UBR3: variants seen among roughly 807,000 people sequenced by gnomAD.
The protein encoded by UBR3 is E3 ubiquitin-protein ligase UBR3.
In UBR3, 85 loss-of-function variants were observed where a neutral mutation model predicts 243.2. That is an observed-to-expected ratio of 0.35 (90% confidence interval 0.29 to 0.42). The LOEUF (loss-of-function observed/expected upper bound fraction) is 0.42, where lower values mean the gene tolerates loss of function less well. UBR3 is among the 10% of genes least tolerant of loss of function. UBR3 has a pLI of 1.00. For missense variants in UBR3, 1,686 were observed against 2,300.8 expected (o/e 0.73, Z 5.47); for synonymous variants, 748 against 799.8 (o/e 0.94, Z 1.09).
rs1363786839 is a variant in UBR3 at position 169,896,754 on chromosome 2, C to T, written c.1465+19C>T. On this transcript the variant is annotated intron_variant, in intron 8 of 38. Transcript: ENST00000272793. ...CTACAAGGTAACTCAGAATTATATT[C>T]ACTAGTTCTATTATTATCAGTATTA... is the stretch of plus-strand genomic sequence containing the variant. The T allele has an allele frequency of 6.7e-7, 1 of 1,498,450 alleles. No homozygotes were observed. 92.8% of individuals were successfully genotyped at this position (1,498,450 alleles called of 1,614,324 possible).
rs114148532 is a variant in UBR3 at position 169,915,904 on chromosome 2, A to G, written c.1866+1758A>G. On this transcript the variant is annotated intron_variant, in intron 11 of 38. Transcript: ENST00000272793. Reference sequence around the variant, plus strand: ...GCTCAGATTATTTCAGATTTGGCCAATGAGAGCCCCTTTAAGCTTAGTTTC... The same window carrying G: ...GCTCAGATTATTTCAGATTTGGCCAGTGAGAGCCCCTTTAAGCTTAGTTTC... 2.8e-3 allele frequency among the ~76,000 whole-genome samples: 428 copies of G among 152,270 alleles called. 4 individuals carry two copies. Among genetic ancestry groups the G allele is most frequent in the African/African-American group, 0.01 (417 of 41,548 alleles).
chr2:169,931,491 A>G (rs887535210), intron 18 of UBR3, among the ~76,000 whole-genome samples: 6 of 152,172 alleles, frequency 3.9e-5, no homozygotes, highest in African/African-American at 1.4e-4. Flanking sequence ...AACTAGGGAC[A>G]GTGGTTAACA....
intron 32 of UBR3, among the ~76,000 whole-genome samples, chr2:170,050,722 G>A (rs1363812526): frequency 6.6e-6 from 1 of 152,130 alleles, no homozygotes; most frequent in African/African-American, 2.4e-5. Flanking sequence ...TTAGCAGCCT[G>A]TTGACCTAAT....
intron 26 of UBR3, among the ~76,000 whole-genome samples, chr2:169,997,491 C>T (rs1454384419): frequency 6.6e-6 from 1 of 151,988 alleles, no homozygotes; most frequent in Non-Finnish European, 1.5e-5. Flanking sequence ...GAGGTCTGGG[C>T]CCCCAGAAGG....
intron 36 of UBR3, among the ~76,000 whole-genome samples, chr2:170,075,243 T>A (rs1037032415): frequency 6.6e-6 from 1 of 152,272 alleles, no homozygotes; most frequent in Admixed American, 6.5e-5. Context: ...TCTTGCATAT[T>A]ACATATACAA....
chr2:169,857,069 T>TTTTTG (rs1559027008), intron 1 of UBR3, among the ~76,000 whole-genome samples: 1 of 18,308 alleles, frequency 5.5e-5, no homozygotes, highest in East Asian at 1.4e-3. Context: ...ATTATGTTTT[T>TTTTTG]TTTTTTTTTT....
At chr2:169,868,287 G>A (rs182276211) in intron 1 of UBR3, among the ~76,000 whole-genome samples, 11 of 152,096 alleles carry the variant, frequency 7.2e-5, no homozygotes, top group Middle Eastern at 3.4e-3. Context: ...ATATTAGAGC[G>A]TTTCATCTGT....
intron 1 of UBR3, among the ~76,000 whole-genome samples, chr2:169,854,633 C>T (rs1004710682): frequency 2.0e-5 from 3 of 151,938 alleles, no homozygotes; most frequent in Admixed American, 6.6e-5. Context: ...TGTATATGTA[C>T]AGTTTAAAGA....
intron 24 of UBR3, among the ~76,000 whole-genome samples, chr2:169,963,468 A>G (rs1251792004): frequency 7.2e-5 from 11 of 151,816 alleles, no homozygotes; most frequent in Non-Finnish European, 1.5e-4. Context: ...TCCTTTTTCT[A>G]TATTCTGTGG....
intron 31 of UBR3, among the ~76,000 whole-genome samples, chr2:170,035,551 T>C (rs895717701): frequency 2.0e-5 from 3 of 152,174 alleles, no homozygotes; most frequent in Admixed American, 6.6e-5. Flanking sequence ...TACCATATTG[T>C]CTTGATTACT....
chr2:169,930,686 G>GT (rs1170277057), intron 18 of UBR3, among the ~76,000 whole-genome samples: 1 of 152,060 alleles, frequency 6.6e-6, no homozygotes, highest in Non-Finnish European at 1.5e-5. Context: ...TGCCTAGCCA[G>GT]TTTTTTTATC....
chr2:170,071,643 T>G (rs2091700151), intron 35 of UBR3, among the ~76,000 whole-genome samples: 1 of 152,154 alleles, frequency 6.6e-6, no homozygotes, highest in Non-Finnish European at 1.5e-5. Context: ...ATGCCTTCTT[T>G]GTTAAACTAT....
intron 35 of UBR3, among the ~76,000 whole-genome samples, chr2:170,071,781 A>G (rs556323934): frequency 6.6e-6 from 1 of 152,248 alleles, no homozygotes; most frequent in South Asian, 2.1e-4. Flanking sequence ...CTTAATGTGC[A>G]TAATTAGTTT....
intron 24 of UBR3, chr2:169,964,343 T>G (rs1559138952): frequency 2.2e-6 from 1 of 455,796 alleles, no homozygotes; most frequent in Non-Finnish European, 4.5e-6. Flanking sequence ...GAGAAAAGCT[T>G]AATTAATACT....
intron 31 of UBR3, among the ~76,000 whole-genome samples, chr2:170,032,622 A>G (rs1295748616): frequency 1.4e-4 from 3 of 21,548 alleles, no homozygotes; most frequent in Non-Finnish European, 1.9e-4. Context: ...AGTTCAGGCC[A>G]GTTATTTTGT....
intron 24 of UBR3, among the ~76,000 whole-genome samples, chr2:169,960,077 C>T (rs1231518640): frequency 6.6e-6 from 1 of 151,718 alleles, no homozygotes; most frequent in Non-Finnish European, 1.5e-5. Context: ...ATGGTGAAAC[C>T]CGTCTCTACT....
intron 17 of UBR3, 148 bp from the exon 18 acceptor site, chr2:169,928,579 G>A: frequency 2.1e-6 from 1 of 474,840 alleles, no homozygotes; most frequent in East Asian, 3.1e-5. Context: ...TTGATCTGTT[G>A]TATTATATAG....
At chr2:170,039,126 T>G (rs1462809810) in intron 31 of UBR3, among the ~76,000 whole-genome samples, 1 of 152,130 alleles carries the variant, frequency 6.6e-6, no homozygotes, top group African/African-American at 2.4e-5. Context: ...AATAACAGTT[T>G]GTTAGTCAGA....
At chr2:170,044,512 C>G (rs2091038030) in intron 32 of UBR3, among the ~76,000 whole-genome samples, 1 of 152,234 alleles carries the variant, frequency 6.6e-6, no homozygotes, top group South Asian at 2.1e-4. Flanking sequence ...CATCACATCA[C>G]TGGCCTCTAA....
Sources: allele counts gnomAD v4.1 joint callset (sites outside exome capture counted in the v4.1 genomes callset), GRCh38; gene constraint gnomAD v4.1.1; transcripts MANE v1.5; gene names NCBI Gene and HGNC (gene_info 2026-07-23, HGNC 2026-07-21).